Variants in TASOR observed in about 807,000 individuals in gnomAD.
TASOR encodes transcription activation suppressor.
A neutral mutation model predicts 178.6 loss-of-function variants in TASOR; 53 were observed. That is an observed-to-expected ratio of 0.30 (90% CI 0.24 to 0.37). The LOEUF is 0.37. Ranked by LOEUF, TASOR falls within the 10% of genes least tolerant of loss-of-function variation. The pLI is 1.00. For missense variants in TASOR, 1,815 were observed against 1,971.4 expected (o/e 0.92, Z 1.50); for synonymous variants, 713 against 696.2 (o/e 1.02, Z -0.38).
At chr3:56,643,759 A>C (rs1414706991) in intron 14 of TASOR, among the ~76,000 whole-genome samples, 3 of 143,776 alleles carry the variant, frequency 2.1e-5, no homozygotes, top group African/African-American at 8.1e-5. Flanking sequence ...CGTCTCAAAA[A>C]AAAAAAAAAC....
In TASOR at chr3:56,662,921, G is replaced by A. The variant is rs1308004514; in HGVS notation, c.1055-431C>T. ...AGGCTGGGCATGGTGGCTCACACCT[G>A]TAACCCCAGCACTTTGGGAGGCCGA... On this transcript the variant is annotated intron_variant, in intron 8 of 23. Transcript: ENST00000683822. 2.0e-5 allele frequency among the ~76,000 whole-genome samples: 3 copies of A among 152,170 alleles called. No individual in the cohort carries two copies. The East Asian group carries it at 5.8e-4, about 29-fold the overall frequency.
intron 13 of TASOR, 75 bp downstream of exon 13, chr3:56,648,747 G>T: frequency 9.6e-7 from 1 of 1,045,596 alleles, no homozygotes. Context: ...AAAATGTTTA[G>T]TGAGTTATCT....
chr3:56,630,934 TGC>T (rs2076899377), intron 18 of TASOR, among the ~76,000 whole-genome samples: 1 of 14,086 alleles, frequency 7.1e-5, no homozygotes, highest in Non-Finnish European at 1.4e-4. Flanking sequence ...GGGTGGGGGG[TGC>T]GGGGATGGAG....
At chr3:56,677,092 T>G (rs1022131362) in intron 1 of TASOR, among the ~76,000 whole-genome samples, 1 of 152,174 alleles carries the variant, frequency 6.6e-6, no homozygotes, top group Non-Finnish European at 1.5e-5. Flanking sequence ...TTCAGAAAAT[T>G]TATTAAGTTC....
intron 9 of TASOR, among the ~76,000 whole-genome samples, chr3:56,662,163 G>A (rs890273127): frequency 2.8e-4 from 43 of 151,002 alleles, no homozygotes; most frequent in Middle Eastern, 6.8e-3. Flanking sequence ...GTTTTATACC[G>A]TAAATGTACT....
At chr3:56,660,616 C>CA in intron 11 of TASOR, 115 bp downstream of exon 11, 1 of 712,308 alleles carries the variant, frequency 1.4e-6, no homozygotes, top group Non-Finnish European at 2.3e-6. Context: ...CAGCAACAGA[C>CA]AGACACCTCA....
At chr3:56,655,506 C>T (rs979163475) in intron 11 of TASOR, among the ~76,000 whole-genome samples, 9 of 152,046 alleles carry the variant, frequency 5.9e-5, no homozygotes, top group African/African-American at 2.2e-4. Context: ...GTGGTTCATG[C>T]CTATAATACC....
chr3:56,662,267 A>C, intron 9 of TASOR, 118 bp downstream of exon 9: 1 of 649,082 alleles, frequency 1.5e-6, no homozygotes. Context: ...ACAAACCAAC[A>C]TTTATATTGA....
intron 8 of TASOR, among the ~76,000 whole-genome samples, chr3:56,662,762 G>A (rs979490008): frequency 2.0e-5 from 3 of 152,180 alleles, no homozygotes; most frequent in African/African-American, 7.2e-5. Context: ...AAGTTGGGGA[G>A]CAAAGACAAG....
In TASOR at chr3:56,682,724, G is replaced by A. The variant is rs781551660; in HGVS notation, c.283C>T (p.Pro95Ser). The change falls in exon 1 of 24, where the codon CCT becomes TCT. Residue 95 changes from proline to serine, a missense_variant. This residue lies in a region of TASOR where 244 missense variants were observed against 202.7 expected (regional missense o/e 1.20). Coordinates refer to ENST00000683822, the MANE Select transcript of TASOR (RefSeq NM_001365635.2). ...LPRGPEEPER[P>S]VRRSFQIPRK... ...GGGATCTGAAAACTCCTCCTAACAG[G>A]CCTTTCGGGCTCTTCGGGGCCTCTG... is the stretch of plus-strand genomic sequence containing the variant. 1.2e-4 allele frequency: 188 copies of A among 1,504,754 alleles called. 2 individuals carry two copies. The highest frequency in any genetic ancestry group is 2.5e-5 in the Non-Finnish European group (28 of 1,125,502). 93.2% of individuals were successfully genotyped at this position (1,504,754 alleles called of 1,614,324 possible).
At chr3:56,645,928 C>A (rs1036340417) in intron 14 of TASOR, among the ~76,000 whole-genome samples, 1 of 152,142 alleles carries the variant, frequency 6.6e-6, no homozygotes, top group South Asian at 2.1e-4. Flanking sequence ...GCAGGCGGAT[C>A]ACGAGGTCAG....
At chr3:56,638,279 T>C (rs2077055990) in intron 17 of TASOR, among the ~76,000 whole-genome samples, 1 of 152,036 alleles carries the variant, frequency 6.6e-6, no homozygotes. Flanking sequence ...GAAGGTGAAT[T>C]GCTTGAACCT....
chr3:56,624,999 C>T lies in TASOR; in HGVS notation c.4147G>A (p.Ala1383Thr). Residue 1383 changes from alanine (A) to threonine (T), a missense_variant, in exon 22 of 24, where the codon GCT (alanine) becomes ACT (threonine). Ala to Thr is a moderately conservative substitution (Grantham distance 58, BLOSUM62 0). Coordinates refer to ENST00000683822, the MANE Select transcript of TASOR (RefSeq NM_001365635.2). ...AGCGTCAACAGACTTAGAGCTTTAG[C>T]ATTCAATCTGTGAAATTAAGCAGTT... ...KKLKELGRLN[A>T]KALSLLTLLN... is the part of the protein sequence containing the mutation. 1 of 1,613,422 alleles carries T rather than the reference C, an allele frequency of 6.2e-7. No homozygotes were observed. The highest frequency in any genetic ancestry group is 8.5e-7 in the Non-Finnish European group (1 of 1,179,732).
chr3:56,633,628 G>A lies in TASOR; in HGVS notation c.3163C>T (p.Gln1055Ter). 6.2e-7 allele frequency: 1 copy of A among 1,613,892 alleles called. No individual in the cohort carries two copies. Among genetic ancestry groups the A allele is most frequent in the Non-Finnish European group, 8.5e-7 (1 of 1,179,954 alleles). ...TCGGAAAGCCGTTTCATCTTCTCTT[G>A]TGTTGAAAAGATAGGTGTGGAAACT... ...STVSTPIFSTQEKMKRLSEFI... is the reference protein window; with the variant it reads ...STVSTPIFST The change falls in exon 18 of 24, where the codon CAA (glutamine) becomes TAA (stop). Residue 1055 changes from glutamine to a stop codon, truncating the protein, a stop_gained. Coordinates refer to ENST00000683822, the MANE Select transcript of TASOR (RefSeq NM_001365635.2). LOFTEE classifies it high-confidence loss of function.
Position 56,622,850 on chromosome 3 carries a change from A to T in TASOR, c.*187T>A. ...AGAAGTGCCAACATGAGATAATTCA[A>T]GTACAATATATGTTAAAAATATATA... is the stretch of plus-strand genomic sequence containing the variant. On this transcript the variant is annotated 3_prime_UTR_variant, in exon 24 of 24. Coordinates refer to ENST00000683822, the MANE Select transcript of TASOR (RefSeq NM_001365635.2). The T allele has an allele frequency of 5.2e-6, 2 of 384,968 alleles. No homozygotes were observed. The highest frequency in any genetic ancestry group is 9.1e-6 in the Non-Finnish European group (2 of 219,394). The allele number at this position is 384,968 out of a possible 1,614,324, so 23.8% of individuals were successfully genotyped here. A position where few individuals can be genotyped will look rare whatever the true frequency, so the allele number is the denominator to read the frequency against.
chr3:56,635,604 TA>T (rs537987469), intron 17 of TASOR, among the ~76,000 whole-genome samples: 253 of 152,342 alleles, frequency 1.7e-3, no homozygotes, highest in African/African-American at 5.9e-3. Flanking sequence ...TTGCATCTCA[TA>T]AAACATATGG....
At chr3:56,626,359 T>C (rs2076798829) in intron 21 of TASOR, among the ~76,000 whole-genome samples, 1 of 152,210 alleles carries the variant, frequency 6.6e-6, no homozygotes, top group Non-Finnish European at 1.5e-5. Flanking sequence ...GATTAATCCT[T>C]GTCCAAATAT....
Position 56,683,135 on chromosome 3 carries a change from A to T in TASOR, c.-129T>A. 2.7e-6 allele frequency: 3 copies of T among 1,102,122 alleles called. No homozygotes were observed. Among genetic ancestry groups the T allele is most frequent in the South Asian group, 3.4e-5 (2 of 59,054 alleles). 68.3% of individuals were successfully genotyped at this position (1,102,122 alleles called of 1,614,324 possible). A position where few individuals can be genotyped will look rare whatever the true frequency, so the allele number is the denominator to read the frequency against. On this transcript the variant is annotated 5_prime_UTR_variant, in exon 1 of 24. Coordinates refer to ENST00000683822, the MANE Select transcript of TASOR (RefSeq NM_001365635.2). Reference sequence around the variant, plus strand: ...CCCACCCCCTTCCCCCCGTGGCCTCAGGCTGCGCTCCCGACCTGGCAGCCT... The same window carrying T: ...CCCACCCCCTTCCCCCCGTGGCCTCTGGCTGCGCTCCCGACCTGGCAGCCT...
At chr3:56,670,197 A>C in intron 3 of TASOR, 52 bp from the exon 4 acceptor site, 1 of 1,100,148 alleles carries the variant, frequency 9.1e-7, no homozygotes, top group Non-Finnish European at 1.3e-6. Context: ...CATTTAAAAC[A>C]TGAAAAAATA....
Sources: allele counts gnomAD v4.1 joint callset (sites outside exome capture counted in the v4.1 genomes callset), GRCh38; gene constraint gnomAD v4.1.1; regional missense constraint gnomAD v4.1.1; transcripts MANE v1.5; gene names NCBI Gene and HGNC (gene_info 2026-07-23, HGNC 2026-07-21).